TRPC7: variants seen among roughly 807,000 people sequenced by gnomAD.
The protein encoded by TRPC7 is transient receptor potential cation channel subfamily C member 7, also known as short transient receptor potential channel 7.
TRPC7 carries 42 observed loss-of-function variants against 90.1 expected under a neutral mutation model. The observed-to-expected ratio is 0.47, with a 90% confidence interval of 0.36 to 0.60. TRPC7 has a LOEUF of 0.60. Among genes scored for constraint, TRPC7 ranks in the 20% least tolerant of loss-of-function variants. The pLI is 0.00. For synonymous variants in TRPC7, 451 were observed against 436.3 expected (o/e 1.03, Z -0.42); for missense variants, 955 against 1,112.3 (o/e 0.86, Z 2.01).
At chr5:136,343,083 T>A (rs911379767) in intron 2 of TRPC7, among the ~76,000 whole-genome samples, 1 of 152,134 alleles carries the variant, frequency 6.6e-6, no homozygotes, top group Non-Finnish European at 1.5e-5. Context: ...TCACTCTGTA[T>A]ACAAAAGCAA....
chr5:136,272,116 TATAAA>T (rs1757230479), intron 4 of TRPC7, among the ~76,000 whole-genome samples: 1 of 152,242 alleles, frequency 6.6e-6, no homozygotes. Flanking sequence ...TGAATACATT[TATAAA>T]ATAATATCAA....
intron 3 of TRPC7, among the ~76,000 whole-genome samples, chr5:136,311,054 T>C (rs1287271140): frequency 1.3e-5 from 2 of 152,158 alleles, no homozygotes; most frequent in African/African-American, 2.4e-5. Context: ...CTTTGCTTAG[T>C]AGTGTCCAAA....
chr5:136,308,731 G>A (rs79093609), intron 3 of TRPC7, among the ~76,000 whole-genome samples: 3,286 of 152,292 alleles, frequency 0.022, 129 homozygotes, highest in African/African-American at 0.075. Context: ...TTCTCTCTCT[G>A]AGCACATATT....
At chr5:136,273,574 A>G (rs1040114262) in intron 4 of TRPC7, among the ~76,000 whole-genome samples, 2 of 152,126 alleles carry the variant, frequency 1.3e-5, no homozygotes, top group Admixed American at 1.3e-4. Context: ...AGGTGGCCTC[A>G]CCAGCAGCCC....
At chr5:136,302,569 C>T (rs924430392) in intron 3 of TRPC7, among the ~76,000 whole-genome samples, 17 of 151,824 alleles carry the variant, frequency 1.1e-4, no homozygotes, top group African/African-American at 4.1e-4. Flanking sequence ...CAACCTTGCA[C>T]CCTCCATTCC....
At chr5:136,287,708 A>C (rs1402202126) in intron 3 of TRPC7, among the ~76,000 whole-genome samples, 1 of 140,230 alleles carries the variant, frequency 7.1e-6, no homozygotes, top group Non-Finnish European at 1.5e-5. Flanking sequence ...AAAAAAAAAA[A>C]AAAAAAAAAA....
intron 2 of TRPC7, among the ~76,000 whole-genome samples, chr5:136,344,119 G>A (rs1406049977): frequency 6.6e-6 from 1 of 152,150 alleles, no homozygotes; most frequent in African/African-American, 2.4e-5. Context: ...CATGTCCTTT[G>A]CGGCAACATG....
chr5:136,278,485 G>C (rs912877059), intron 3 of TRPC7, among the ~76,000 whole-genome samples: 1 of 152,206 alleles, frequency 6.6e-6, no homozygotes, highest in African/African-American at 2.4e-5. Flanking sequence ...TGGTTTGCTA[G>C]GAGACATGAT....
In TRPC7 at chr5:136,226,097, G is replaced by A. The variant is rs777830189; in HGVS notation, c.2199C>T (p.Cys733=). ...MRIKMCLIKL[C]KSKAKSCEND... Reference sequence around the variant, plus strand: ...TTTCACAGCTTTTGGCCTTAGATTTGCAGAGTTTTATGAGGCACATCTTGA... The same window carrying A: ...TTTCACAGCTTTTGGCCTTAGATTTACAGAGTTTTATGAGGCACATCTTGA... The change falls in exon 9 of 12, where the codon TGC becomes TGT. Residue 733 remains cysteine (C), a synonymous_variant. Coordinates refer to ENST00000513104, the MANE Select transcript of TRPC7 (RefSeq NM_020389.3). 1.2e-6 allele frequency: 2 copies of A among 1,604,440 alleles called. No homozygotes were observed. Among genetic ancestry groups the A allele is most frequent in the South Asian group, 2.2e-5 (2 of 88,902 alleles).
intron 7 of TRPC7, among the ~76,000 whole-genome samples, chr5:136,240,988 T>A (rs965659014): frequency 1.3e-5 from 2 of 152,060 alleles, no homozygotes; most frequent in African/African-American, 4.8e-5. Flanking sequence ...GCTGGGACAG[T>A]CCGTGGCAGG....
At chr5:136,292,778 T>C (rs1758008522) in intron 3 of TRPC7, among the ~76,000 whole-genome samples, 1 of 152,196 alleles carries the variant, frequency 6.6e-6, no homozygotes, top group African/African-American at 2.4e-5. Context: ...GAGGGAATCT[T>C]CCCTAACTCA....
At chr5:136,234,858 A>G (rs1473648370) in intron 7 of TRPC7, among the ~76,000 whole-genome samples, 1 of 152,134 alleles carries the variant, frequency 6.6e-6, no homozygotes, top group Admixed American at 6.5e-5. Context: ...TGTTGTTGTT[A>G]TTAGAGGGCA....
At chr5:136,348,690 T>C (rs1281077115) in intron 2 of TRPC7, among the ~76,000 whole-genome samples, 2 of 152,214 alleles carry the variant, frequency 1.3e-5, no homozygotes, top group Non-Finnish European at 2.9e-5. Context: ...AATTTTCAGA[T>C]GGCTCTGTTA....
chr5:136,359,453 G>A (rs1292534524), intron 1 of TRPC7, among the ~76,000 whole-genome samples: 1 of 151,426 alleles, frequency 6.6e-6, no homozygotes, highest in African/African-American at 2.4e-5. Context: ...TTTTTAAAGT[G>A]CACTTTGATA....
At position 136,223,087 on chromosome 5, in the gene TRPC7, C is replaced by A. The variant is rs138275773; in HGVS notation, c.2343+2187G>T. ...GCCCCTTTCCTCTGATGCCTACTGGCTGGCTTTTTGTTTCTTTTCTGTGAC... is the reference window on the plus strand; with the variant it reads ...GCCCCTTTCCTCTGATGCCTACTGGATGGCTTTTTGTTTCTTTTCTGTGAC... On this transcript the variant is annotated intron_variant, in intron 10 of 11. Transcript: ENST00000513104. Among the ~76,000 whole-genome samples, 163 of 152,358 alleles carry A rather than the reference C, an allele frequency of 1.1e-3. 1 individual carries two copies. The highest frequency in any genetic ancestry group is 2.5e-3 in the East Asian group (13 of 5,182).
rs1356719568 is a variant in TRPC7, at chr5:136,247,310, C to G, written c.1844+161G>C. Among the ~76,000 whole-genome samples the G allele has an allele frequency of 6.6e-6, 1 of 151,962 alleles. No individual in the cohort carries two copies. The highest frequency in any genetic ancestry group is 2.4e-5 in the African/African-American group (1 of 41,350). On this transcript the variant is annotated intron_variant, in intron 7 of 11. Coordinates refer to ENST00000513104, the MANE Select transcript of TRPC7 (RefSeq NM_020389.3). The surrounding 1 kb of genome is among the most constrained non-coding windows in gnomAD (Gnocchi z 4.2). ...GATTTAACTCAACTCATCTGTTCAA[C>G]TCCAGAACCTGAACTCTAAACCACC...
chr5:136,355,931 C>A (rs1461989960), intron 2 of TRPC7, among the ~76,000 whole-genome samples: 1 of 152,232 alleles, frequency 6.6e-6, no homozygotes, highest in Non-Finnish European at 1.5e-5. Context: ...TTGAAAAATG[C>A]ACTTTGGAGA....
chr5:136,263,705 GA>G (rs1031535905), intron 5 of TRPC7, among the ~76,000 whole-genome samples: 4 of 149,872 alleles, frequency 2.7e-5, no homozygotes, highest in Admixed American at 6.7e-5. Flanking sequence ...AAAACCACAG[GA>G]AAAAATATCA....
intron 1 of TRPC7, 55 bp from the exon 2 acceptor site, chr5:136,357,440 G>C: frequency 1.3e-6 from 2 of 1,505,664 alleles, no homozygotes; most frequent in Non-Finnish European, 1.8e-6. Context: ...CCTAGCAGTA[G>C]AGCACACAAA....
Sources: gnomAD v4.1 joint callset for allele counts (sites outside exome capture counted in the v4.1 genomes callset) on GRCh38, gnomAD v4.1.1 for gene constraint, Gnocchi (gnomAD v3.1) non-coding constraint, MANE v1.5 for transcripts, NCBI Gene and HGNC (gene_info 2026-07-23, HGNC 2026-07-21) for gene names.